The following ADGRL3 variants were observed in gnomAD, a reference collection of about 807,000 sequenced individuals.
ADGRL3 encodes the protein adhesion G protein-coupled receptor L3.
A neutral mutation model predicts 153.5 loss-of-function variants in ADGRL3; 62 were observed. That is an observed-to-expected ratio of 0.40 (90% CI 0.33 to 0.50). ADGRL3 has a LOEUF of 0.50. ADGRL3 is among the 20% of genes least tolerant of loss of function. The pLI is 0.47. For missense variants in ADGRL3, 1,641 were observed against 1,859.4 expected (o/e 0.88, Z 2.16); for synonymous variants, 710 against 672.5 (o/e 1.06, Z -0.86).
intron 4 of ADGRL3, among the ~76,000 whole-genome samples, chr4:61,540,363 A>G (rs2098682553): frequency 6.6e-6 from 1 of 152,112 alleles, no homozygotes; most frequent in South Asian, 2.1e-4. Context: ...AGCCTGGCCA[A>G]TTAGGAGAAA....
chr4:62,020,844 T>C (rs750961402), intron 21 of ADGRL3, among the ~76,000 whole-genome samples: 4 of 152,074 alleles, frequency 2.6e-5, no homozygotes, highest in Non-Finnish European at 4.4e-5. Flanking sequence ...AGATTTCTCA[T>C]GTAAACTAAA....
chr4:61,726,261 C>T lies in ADGRL3; in HGVS notation c.584-4361C>T, dbSNP rs563267427. ...TCGCCCAGGTTGGAGTGCAGTGGCG[C>T]GATCTTGGCTCACTGCAACCTCTGC... is the stretch of plus-strand genomic sequence containing the variant. On this transcript the variant is annotated intron_variant, in intron 6 of 26. Coordinates refer to ENST00000683033, the MANE Select transcript of ADGRL3 (RefSeq NM_001387552.1). Among the ~76,000 whole-genome samples the T allele has an allele frequency of 3.5e-5, 5 of 142,580 alleles. No individual in the cohort carries two copies. The East Asian group carries it at 6.4e-4, about 18-fold the overall frequency. The allele number at this position is 142,580 out of a possible 152,430, so 93.5% of individuals were successfully genotyped here.
At chr4:62,069,070 TG>T (rs1167176375) in intron 26 of ADGRL3, among the ~76,000 whole-genome samples, 1 of 152,218 alleles carries the variant, frequency 6.6e-6, no homozygotes, top group Non-Finnish European at 1.5e-5. Context: ...TTTCATTTTG[TG>T]GTTGCATTTG....
At chr4:61,597,628 TTTTA>T (rs913711808) in intron 5 of ADGRL3, among the ~76,000 whole-genome samples, 2 of 151,688 alleles carry the variant, frequency 1.3e-5, no homozygotes, top group Admixed American at 1.3e-4. Context: ...ACATTGACTT[TTTTA>T]TTTGTTTCAT....
intron 4 of ADGRL3, among the ~76,000 whole-genome samples, chr4:61,562,560 C>A (rs77248148): frequency 0.044 from 6,679 of 152,118 alleles, 468 homozygotes; most frequent in African/African-American, 0.15. Context: ...AATGTTCACC[C>A]GGAGTAGATT....
At position 61,342,747 on chromosome 4, in the gene ADGRL3, A is replaced by G. The variant is rs142655493; in HGVS notation, c.-239-40377A>G. 3.4e-3 allele frequency among the ~76,000 whole-genome samples: 514 copies of G among 152,236 alleles called. 4 individuals are homozygous for G. The highest frequency in any genetic ancestry group is 0.012 in the African/African-American group (501 of 41,546). ...TTGCCAAACCCTTAAACTTCTTTTC[A>G]GTGACTTCAAACAGCCATAATTTTA... On this transcript the variant is annotated intron_variant, in intron 1 of 26. Coordinates refer to ENST00000683033, the MANE Select transcript of ADGRL3 (RefSeq NM_001387552.1).
intron 9 of ADGRL3, among the ~76,000 whole-genome samples, chr4:61,872,335 C>T (rs1279218070): frequency 1.3e-5 from 2 of 151,338 alleles, no homozygotes; most frequent in Non-Finnish European, 2.9e-5. Context: ...AAGTGATAGT[C>T]ATGTTGCATT....
At chr4:61,735,493 G>T (rs1170982266) in intron 8 of ADGRL3, among the ~76,000 whole-genome samples, 1 of 152,104 alleles carries the variant, frequency 6.6e-6, no homozygotes, top group Non-Finnish European at 1.5e-5. Context: ...TTAACCCACT[G>T]CATTCTACAG....
chr4:61,941,476 T>C (rs1327730939), intron 15 of ADGRL3, among the ~76,000 whole-genome samples: 1 of 21,898 alleles, frequency 4.6e-5, no homozygotes, highest in Non-Finnish European at 7.7e-5. Context: ...AAGAAAGTCA[T>C]TGGTAGCTTG....
chr4:61,910,891 G>GT (rs5858742), intron 12 of ADGRL3, among the ~76,000 whole-genome samples: 8 of 147,618 alleles, frequency 5.4e-5, no homozygotes, highest in South Asian at 2.1e-4. Context: ...CTGGCAAACA[G>GT]TTTTTTTTTT....
intron 19 of ADGRL3, among the ~76,000 whole-genome samples, chr4:61,988,606 T>A (rs2150948907): frequency 6.6e-6 from 1 of 152,304 alleles, no homozygotes; most frequent in South Asian, 2.1e-4. Context: ...ATTTAAACTT[T>A]AATTATTCCA....
intron 25 of ADGRL3, chr4:62,063,738 G>A: frequency 2.0e-6 from 1 of 504,956 alleles, no homozygotes; most frequent in Admixed American, 3.2e-5. Context: ...TGTTTTGGAA[G>A]CAGACCTGCA....
chr4:61,223,145 T>G (rs79283859), intron 1 of ADGRL3, among the ~76,000 whole-genome samples: 2,731 of 152,290 alleles, frequency 0.018, 92 homozygotes, highest in African/African-American at 0.063. Context: ...TCATCTCAGT[T>G]TTATTGATAA....
At chr4:61,892,533 A>G (rs7691112) in intron 9 of ADGRL3, 123 bp from the exon 10 acceptor site, 512,191 of 673,900 alleles carry the variant, frequency 0.76, 196,429 homozygotes, top group East Asian at 1. Context: ...ATCAGGTTGA[A>G]GACTTCTAGA....
intron 9 of ADGRL3, among the ~76,000 whole-genome samples, chr4:61,817,028 T>G (rs2097695619): frequency 6.6e-6 from 1 of 152,164 alleles, no homozygotes; most frequent in Non-Finnish European, 1.5e-5. Flanking sequence ...TGCTTGGGGT[T>G]GTGCTGACAT....
intron 2 of ADGRL3, among the ~76,000 whole-genome samples, chr4:61,455,148 G>T (rs546366917): frequency 5.1e-4 from 77 of 152,226 alleles, no homozygotes; most frequent in African/African-American, 1.7e-3. Context: ...AGTAGGAAAA[G>T]ATATTTTCTG....
At chr4:61,698,256 C>A (rs1303372288) in intron 6 of ADGRL3, among the ~76,000 whole-genome samples, 1 of 152,072 alleles carries the variant, frequency 6.6e-6, no homozygotes, top group East Asian at 1.9e-4. Flanking sequence ...TTGAGACCAT[C>A]CTGGCTAACA....
chr4:61,634,394 C>T (rs1231908600), intron 5 of ADGRL3, among the ~76,000 whole-genome samples: 1 of 152,140 alleles, frequency 6.6e-6, no homozygotes, highest in Non-Finnish European at 1.5e-5. Flanking sequence ...GTCCAAGTTA[C>T]TGAAGACTCA....
chr4:61,364,177 A>T (rs1365297043), intron 1 of ADGRL3, among the ~76,000 whole-genome samples: 1 of 151,938 alleles, frequency 6.6e-6, no homozygotes, highest in South Asian at 2.1e-4. Context: ...TAAAATAAAA[A>T]AAAAAATTAG....
Sources: allele counts gnomAD v4.1 joint callset (sites outside exome capture counted in the v4.1 genomes callset), GRCh38; gene constraint gnomAD v4.1.1; transcripts MANE v1.5; gene names NCBI Gene and HGNC (gene_info 2026-07-23, HGNC 2026-07-21).